Variants in CCDC73 observed in about 807,000 individuals in gnomAD.
CCDC73 encodes the protein coiled-coil domain containing 73.
CCDC73 carries 95 observed loss-of-function variants against 116.5 expected under a neutral mutation model. The observed-to-expected ratio is 0.82, with a 90% CI of 0.69 to 0.97. The LOEUF (loss-of-function observed/expected upper bound fraction) is 0.97, where lower values mean the gene tolerates loss of function less well. Among genes scored for constraint, CCDC73 ranks in the 50% least tolerant of loss-of-function variants. CCDC73 has a pLI of 0.00. For missense variants in CCDC73, 1,066 were observed against 1,206.8 expected, an observed-to-expected ratio of 0.88 and a Z score of 1.73; for synonymous variants, 398 against 401.3, an observed-to-expected ratio of 0.99 and a Z score of 0.10.
intron 1 of CCDC73, among the ~76,000 whole-genome samples, chr11:32,776,664 T>A (rs1850534464): frequency 6.6e-6 from 1 of 152,018 alleles, no homozygotes; most frequent in East Asian, 1.9e-4. Flanking sequence ...ATCCATGTTG[T>A]GTGCTTAAAT....
At chr11:32,675,535 C>G (rs369074140) in intron 9 of CCDC73, 30 bp downstream of exon 9, 57 of 1,328,990 alleles carry the variant, frequency 4.3e-5, no homozygotes, top group Middle Eastern at 2.3e-4. Flanking sequence ...ATAATTTTTA[C>G]TTAGTAGTGT....
chr11:32,637,203 G>A (rs1855689986), intron 13 of CCDC73, among the ~76,000 whole-genome samples: 1 of 151,410 alleles, frequency 6.6e-6, no homozygotes, highest in Admixed American at 6.6e-5. Context: ...TGTTTTTAGA[G>A]AGTTTCACTA....
At chr11:32,629,581 G>A (rs1311742582) in intron 14 of CCDC73, among the ~76,000 whole-genome samples, 2 of 152,146 alleles carry the variant, frequency 1.3e-5, no homozygotes, top group Admixed American at 1.3e-4. Context: ...TGTATTTTTA[G>A]TAGAGACGGG....
chr11:32,776,936 A>AATATATAT (rs1169476616), intron 1 of CCDC73, among the ~76,000 whole-genome samples: 1 of 36,464 alleles, frequency 2.7e-5, no homozygotes, highest in African/African-American at 8.3e-5. Context: ...AAAAAAAAAA[A>AATATATAT]ATATATATAT....
intron 12 of CCDC73, among the ~76,000 whole-genome samples, chr11:32,652,490 T>C (rs1256951129): frequency 6.6e-6 from 1 of 152,172 alleles, no homozygotes; most frequent in Non-Finnish European, 1.5e-5. Flanking sequence ...CCTTCTTGTA[T>C]CTCAATCCCT....
chr11:32,678,223 G>A (rs1233907388), intron 7 of CCDC73, among the ~76,000 whole-genome samples: 1 of 152,124 alleles, frequency 6.6e-6, no homozygotes. Flanking sequence ...AGGTTGCAGT[G>A]AGCTAAGATT....
At chr11:32,716,606 G>C (rs908361646) in intron 3 of CCDC73, among the ~76,000 whole-genome samples, 1 of 152,180 alleles carries the variant, frequency 6.6e-6, no homozygotes, top group South Asian at 2.1e-4. Context: ...TCTGCACCCA[G>C]GCTGGAGTGC....
At chr11:32,718,599 G>A (rs1314100848) in intron 2 of CCDC73, among the ~76,000 whole-genome samples, 1 of 152,168 alleles carries the variant, frequency 6.6e-6, no homozygotes, top group Non-Finnish European at 1.5e-5. Flanking sequence ...CTGCAGCACT[G>A]GCTATGTAGG....
chr11:32,648,033 T>C (rs936011489), intron 12 of CCDC73, among the ~76,000 whole-genome samples: 1 of 152,030 alleles, frequency 6.6e-6, no homozygotes, highest in Non-Finnish European at 1.5e-5. Flanking sequence ...TTCCTCAGAT[T>C]CTCCAACAGA....
At chr11:32,781,427 T>C (rs1850583209) in intron 1 of CCDC73, among the ~76,000 whole-genome samples, 1 of 152,180 alleles carries the variant, frequency 6.6e-6, no homozygotes, top group African/African-American at 2.4e-5. Context: ...GAGAAGCAAT[T>C]TGATTTACAT....
intron 3 of CCDC73, among the ~76,000 whole-genome samples, chr11:32,706,412 T>A (rs1481727971): frequency 6.6e-6 from 1 of 152,018 alleles, no homozygotes; most frequent in Non-Finnish European, 1.5e-5. Flanking sequence ...AGAACACAAA[T>A]AAAATAAACT....
chr11:32,761,061 A>C (rs1850387691), intron 1 of CCDC73, among the ~76,000 whole-genome samples: 2 of 152,048 alleles, frequency 1.3e-5, no homozygotes, highest in African/African-American at 4.8e-5. Context: ...TAAGATACAG[A>C]ACTCTAGCAT....
intron 1 of CCDC73, among the ~76,000 whole-genome samples, chr11:32,789,872 G>C (rs1378450079): frequency 1.3e-5 from 2 of 152,174 alleles, no homozygotes; most frequent in Non-Finnish European, 2.9e-5. Flanking sequence ...TGTGAAGATG[G>C]ACACCCAGCA....
intron 15 of CCDC73, among the ~76,000 whole-genome samples, chr11:32,615,577 C>T (rs1855466474): frequency 6.6e-6 from 1 of 152,084 alleles, no homozygotes; most frequent in Non-Finnish European, 1.5e-5. Flanking sequence ...TTTTGAAGGA[C>T]TTTTTAGAAG....
chr11:32,737,150 A>C (rs914023129), intron 2 of CCDC73, among the ~76,000 whole-genome samples: 1 of 151,634 alleles, frequency 6.6e-6, no homozygotes, highest in African/African-American at 2.4e-5. Context: ...AATTCTGCAT[A>C]TTAAACCTCC....
the CCDC73 span, among the ~76,000 whole-genome samples, chr11:32,799,748 T>A: frequency 2.0e-5 from 3 of 152,182 alleles, no homozygotes; most frequent in Admixed American, 6.6e-5. Flanking sequence ...GCACAGTGAC[T>A]CCCTAGGAGA....
At chr11:32,703,705 T>C (rs1356777225) in intron 3 of CCDC73, among the ~76,000 whole-genome samples, 2 of 150,534 alleles carry the variant, frequency 1.3e-5, no homozygotes, top group Non-Finnish European at 2.9e-5. Flanking sequence ...GGAATAATTT[T>C]TCACAAACCA....
At chr11:32,641,559 A>G (rs1471392835) in intron 13 of CCDC73, among the ~76,000 whole-genome samples, 2 of 151,990 alleles carry the variant, frequency 1.3e-5, no homozygotes, top group Admixed American at 1.3e-4. Flanking sequence ...ATATATCTCA[A>G]CAAAACTGCT....
chr11:32,821,157 A>G, the CCDC73 span, among the ~76,000 whole-genome samples: 2 of 152,050 alleles, frequency 1.3e-5, no homozygotes, highest in Non-Finnish European at 2.9e-5. Context: ...ATCCACACAT[A>G]TTTTCTTCTC....
Sources: gnomAD v4.1 joint callset for allele counts (sites outside exome capture counted in the v4.1 genomes callset) on GRCh38, gnomAD v4.1.1 for gene constraint, MANE v1.5 for transcripts, NCBI Gene and HGNC (gene_info 2026-07-23, HGNC 2026-07-21) for gene names.